Variants in SCHIP1 observed in about 807,000 individuals in gnomAD.
SCHIP1 encodes the protein schwannomin interacting protein 1.
Under a neutral mutation model 29.7 loss-of-function variants are expected in SCHIP1, and 8 were observed. The ratio of observed to expected loss-of-function variants is 0.27; its 90% CI spans 0.16 to 0.49. SCHIP1 has a LOEUF of 0.49. Ranked by LOEUF, SCHIP1 falls within the 20% of genes least tolerant of loss-of-function variation. The pLI, the probability that SCHIP1 is intolerant of heterozygous loss-of-function variation, is 0.99. For synonymous variants in SCHIP1, 76 were observed against 94.9 expected (o/e 0.80, Z 1.16); for missense variants, 193 against 294.6 (o/e 0.66, Z 2.52).
the SCHIP1 span, among the ~76,000 whole-genome samples, chr3:159,690,114 A>G: frequency 6.6e-6 from 1 of 152,208 alleles, no homozygotes; most frequent in Non-Finnish European, 1.5e-5. Context: ...GCCTCAAAAA[A>G]TGAGTTAGGG....
At chr3:159,488,021 C>T in the SCHIP1 span, among the ~76,000 whole-genome samples, 2 of 152,108 alleles carry the variant, frequency 1.3e-5, no homozygotes, top group Admixed American at 6.6e-5. Context: ...TGTGCTTTTT[C>T]CCAGCATCCA....
the SCHIP1 span, among the ~76,000 whole-genome samples, chr3:159,351,668 A>C: frequency 2.0e-5 from 3 of 152,174 alleles, no homozygotes; most frequent in African/African-American, 7.2e-5. Context: ...TTGCAAGATA[A>C]GTTCTTGCAT....
chr3:159,510,466 C>T, the SCHIP1 span, among the ~76,000 whole-genome samples: 1 of 152,242 alleles, frequency 6.6e-6, no homozygotes, highest in East Asian at 1.9e-4. Context: ...CTTCTCTCAA[C>T]TCGTCAAAGT....
chr3:159,493,857 G>A, the SCHIP1 span, among the ~76,000 whole-genome samples: 64 of 152,198 alleles, frequency 4.2e-4, no homozygotes, highest in African/African-American at 1.4e-3. Context: ...TGGAAGTAAA[G>A]CACTCCTCAG....
At chr3:159,392,098 C>A in the SCHIP1 span, among the ~76,000 whole-genome samples, 1 of 152,118 alleles carries the variant, frequency 6.6e-6, no homozygotes, top group South Asian at 2.1e-4. Context: ...TCTTTCACTG[C>A]CCACATCTTT....
At chr3:159,624,603 C>G in the SCHIP1 span, among the ~76,000 whole-genome samples, 1 of 152,086 alleles carries the variant, frequency 6.6e-6, no homozygotes, top group Admixed American at 6.6e-5. Context: ...ATCGACTCAC[C>G]CACTTAACGA....
At chr3:159,359,025 TC>T in the SCHIP1 span, among the ~76,000 whole-genome samples, 1 of 149,730 alleles carries the variant, frequency 6.7e-6, no homozygotes, top group South Asian at 2.1e-4. Flanking sequence ...CCTCCCTGGT[TC>T]AAGCGATTCC....
chr3:159,391,143 T>TAGTG, the SCHIP1 span, among the ~76,000 whole-genome samples: 2 of 152,214 alleles, frequency 1.3e-5, no homozygotes, highest in African/African-American at 4.8e-5. Flanking sequence ...TTTTAACAGT[T>TAGTG]ATGCATTTAA....
chr3:159,356,538 G>A, the SCHIP1 span, among the ~76,000 whole-genome samples: 28,494 of 152,062 alleles, frequency 0.19, 2,837 homozygotes, highest in Middle Eastern at 0.29. Context: ...TGTTGTTAGC[G>A]TCTAAATTAC....
chr3:159,384,717 C>T, the SCHIP1 span, among the ~76,000 whole-genome samples: 79 of 151,506 alleles, frequency 5.2e-4, 2 homozygotes, highest in Non-Finnish European at 9.6e-4. Context: ...TGGTAGAATT[C>T]GGCTGTGAAT....
chr3:159,696,646 A>C, the SCHIP1 span, among the ~76,000 whole-genome samples: 188 of 152,320 alleles, frequency 1.2e-3, no homozygotes, highest in African/African-American at 4.5e-3. Flanking sequence ...TTCTTACAGG[A>C]TTGCAGGGAG....
the SCHIP1 span, among the ~76,000 whole-genome samples, chr3:159,651,469 T>C: frequency 3.3e-5 from 5 of 152,208 alleles, no homozygotes; most frequent in Non-Finnish European, 7.3e-5. Flanking sequence ...ACTGTGTCTA[T>C]CCTTCTCCCA....
At chr3:159,603,208 T>G in the SCHIP1 span, among the ~76,000 whole-genome samples, 14 of 152,142 alleles carry the variant, frequency 9.2e-5, no homozygotes, top group Admixed American at 6.5e-5. Flanking sequence ...ATAGGATGAG[T>G]TACGGGGGAA....
chr3:159,457,372 TTC>T, the SCHIP1 span, among the ~76,000 whole-genome samples: 1 of 151,686 alleles, frequency 6.6e-6, no homozygotes, highest in Admixed American at 6.6e-5. Context: ...TAATTATCAT[TTC>T]TGTTATGCTT....
the SCHIP1 span, among the ~76,000 whole-genome samples, chr3:159,771,489 T>C: frequency 5.9e-5 from 9 of 152,212 alleles, no homozygotes; most frequent in South Asian, 6.2e-4. Flanking sequence ...TTTTTTTTTC[T>C]TTTTACTGTA....
the SCHIP1 span, among the ~76,000 whole-genome samples, chr3:159,324,113 C>T: frequency 2.0e-4 from 31 of 152,046 alleles, no homozygotes; most frequent in East Asian, 3.9e-4. Flanking sequence ...ATTTCCTGGG[C>T]GGGTTACTGC....
At chr3:159,582,783 TATATACACACACACACAC>T in the SCHIP1 span, among the ~76,000 whole-genome samples, 10 of 84,060 alleles carry the variant, frequency 1.2e-4, no homozygotes, top group African/African-American at 3.4e-4. Flanking sequence ...CTGAAATATA[TATATACACACACACACAC>T]ACACACACAC....
the SCHIP1 span, among the ~76,000 whole-genome samples, chr3:159,382,507 T>C: frequency 4.6e-5 from 7 of 152,106 alleles, no homozygotes; most frequent in South Asian, 2.1e-4. Flanking sequence ...CAGTCTATCA[T>C]TGTTGGATAT....
At chr3:159,823,655 G>A in the SCHIP1 span, among the ~76,000 whole-genome samples, 32 of 152,242 alleles carry the variant, frequency 2.1e-4, no homozygotes, top group Middle Eastern at 3.4e-3. Flanking sequence ...GCCAAAAGTC[G>A]AAGATGCCTT....
Sources: gnomAD v4.1 joint callset for allele counts (sites outside exome capture counted in the v4.1 genomes callset) on GRCh38, gnomAD v4.1.1 for gene constraint, MANE v1.5 for transcripts, NCBI Gene and HGNC (gene_info 2026-07-23, HGNC 2026-07-21) for gene names.